The following HYDIN variants were observed in gnomAD, a reference collection of about 807,000 sequenced individuals.
HYDIN encodes the protein HYDIN axonemal central pair apparatus protein, also known as axonemal central pair apparatus protein HYDIN.
In HYDIN, 132 loss-of-function variants were observed where a neutral mutation model predicts 403.9. The observed-to-expected ratio is 0.33, with a 90% confidence interval of 0.28 to 0.38. HYDIN has a LOEUF of 0.38. Among genes scored for constraint, HYDIN ranks in the 10% least tolerant of loss-of-function variants. The pLI is 1.00. For missense variants in HYDIN, 2,827 were observed against 5,009.5 expected (o/e 0.56, Z 13.15); for synonymous variants, 1,202 against 1,891.7 (o/e 0.64, Z 9.46).
At chr16:70,902,992 T>C (rs2076438211) in intron 52 of HYDIN, among the ~76,000 whole-genome samples, 1 of 143,238 alleles carries the variant, frequency 7.0e-6, no homozygotes, top group South Asian at 2.3e-4. Flanking sequence ...GGTTTCACTC[T>C]ATCACCCAGG....
rs544753979 is a variant in HYDIN, at chr16:70,908,473, C to T, written c.8214-39G>A. 19 of 1,095,010 alleles carry T rather than the reference C, an allele frequency of 1.7e-5. No individual in the cohort carries two copies. In the Admixed American group the frequency reaches 4.2e-4, roughly 24 times the overall value. 67.8% of individuals were successfully genotyped at this position (1,095,010 alleles called of 1,614,324 possible). On this transcript the variant is annotated intron_variant, in intron 48 of 85. Transcript: ENST00000393567. ...CACAGGTTTATAAAGTGAGAGTGCT[C>T]CCCTCTGGCCAAGAGAAGACAGGAG... is the stretch of plus-strand genomic sequence containing the variant.
At position 70,964,816 on chromosome 16, in the gene HYDIN, T is replaced by C. The variant is rs1167091602; in HGVS notation, c.5700A>G (p.Pro1900=). The change falls in exon 37 of 86, where the codon CCA becomes CCG. Residue 1900 remains proline, a synonymous_variant. Coordinates refer to ENST00000393567, the MANE Select transcript of HYDIN (RefSeq NM_001270974.2). ...TCTCTTTGAAGTACTCGTACAGTTCTGGGGGCAGCTTCTCCCCAGGGTTGC... is the reference window on the plus strand; with the variant it reads ...TCTCTTTGAAGTACTCGTACAGTTCCGGGGGCAGCTTCTCCCCAGGGTTGC... ...PPRNPGEKLP[P]ELYEYFKEIK... The C allele has an allele frequency of 6.3e-7, 1 of 1,586,362 alleles. No individual in the cohort carries two copies. Among genetic ancestry groups the C allele is most frequent in the East Asian group, 2.2e-5 (1 of 44,694 alleles).
At chr16:70,979,839 G>A (rs1219156701) in intron 29 of HYDIN, among the ~76,000 whole-genome samples, 4 of 152,250 alleles carry the variant, frequency 2.6e-5, no homozygotes, top group Admixed American at 1.3e-4. Flanking sequence ...CATGAGAATC[G>A]CTTGAGCCCT....
At chr16:70,982,045 G>A (rs867924228) in intron 28 of HYDIN, among the ~76,000 whole-genome samples, 4 of 149,598 alleles carry the variant, frequency 2.7e-5, no homozygotes, top group South Asian at 2.1e-4. Flanking sequence ...GGAGAATGGC[G>A]TGAACCCGGG....
chr16:70,978,200 C>T (rs1377346114), intron 30 of HYDIN, among the ~76,000 whole-genome samples: 1 of 151,882 alleles, frequency 6.6e-6, no homozygotes, highest in Non-Finnish European at 1.5e-5. Flanking sequence ...CCCCGTCATC[C>T]AAGCAAGACT....
At position 70,818,557 on chromosome 16, in the gene HYDIN, C is replaced by T. The variant is rs868756797; in HGVS notation, c.14443G>A (p.Glu4815Lys). The change falls in exon 84 of 86, where the codon GAG becomes AAG. Residue 4815 changes from glutamate (E) to lysine (K), a missense_variant. Coordinates refer to ENST00000393567, the MANE Select transcript of HYDIN (RefSeq NM_001270974.2). ...TYAAKVIFRN[E>K]VTNEFLYYNV... ...TAGTACAAGAACTCATTTGTCACCTCGTTTCGGAAGATCACCTGCATTCAC... is the reference window on the plus strand; with the variant it reads ...TAGTACAAGAACTCATTTGTCACCTTGTTTCGGAAGATCACCTGCATTCAC... 8.7e-7 allele frequency: 1 copy of T among 1,150,470 alleles called. No homozygotes were observed. Among genetic ancestry groups the T allele is most frequent in the South Asian group, 1.3e-5 (1 of 75,720 alleles). 71.3% of individuals were successfully genotyped at this position (1,150,470 alleles called of 1,614,324 possible).
intron 53 of HYDIN, among the ~76,000 whole-genome samples, chr16:70,899,273 A>G (rs1480703260): frequency 6.6e-6 from 1 of 150,618 alleles, no homozygotes; most frequent in Non-Finnish European, 1.5e-5. Flanking sequence ...TGTGGATTTA[A>G]TTAAGTCAAA....
chr16:71,135,927 G>A (rs1239379883), intron 8 of HYDIN, among the ~76,000 whole-genome samples: 2 of 150,896 alleles, frequency 1.3e-5, no homozygotes, highest in Admixed American at 1.3e-4. Context: ...GCACACTGGG[G>A]GGGTTCTTCC....
chr16:71,112,921 GATAAA>G (rs1204240408), intron 10 of HYDIN, among the ~76,000 whole-genome samples: 1 of 152,118 alleles, frequency 6.6e-6, no homozygotes, highest in Non-Finnish European at 1.5e-5. Flanking sequence ...AACCTCATAA[GATAAA>G]ATAAAACAAT....
intron 65 of HYDIN, 38 bp downstream of exon 65, chr16:70,871,999 T>C: frequency 6.2e-7 from 1 of 1,605,222 alleles, no homozygotes; most frequent in Non-Finnish European, 8.5e-7. Context: ...GGCTTAGGAC[T>C]AAGGGATTCC....
In HYDIN at chr16:70,872,061, T is replaced by C. The variant is rs1306511207; in HGVS notation, c.11067A>G (p.Ser3689=). ...VNLIRFEWPV[S]ATIAFSPQMG... ...CCTGTGGGGAGAAAGCAATTGTAGC[T>C]GAAACAGGCCATTCAAACCGTATCA... The change falls in exon 65 of 86, where the codon TCA becomes TCG. Residue 3689 remains serine, a synonymous_variant. Coordinates refer to ENST00000393567, the MANE Select transcript of HYDIN (RefSeq NM_001270974.2). 1 of 1,580,690 alleles carries C rather than the reference T, an allele frequency of 6.3e-7. No individual in the cohort carries two copies.
At chr16:70,974,504 A>C in intron 32 of HYDIN, 30 bp downstream of exon 32, 1 of 1,592,334 alleles carries the variant, frequency 6.3e-7, no homozygotes, top group South Asian at 1.1e-5. Flanking sequence ...GACCAAGTGC[A>C]ATAGGAAAGG....
intron 9 of HYDIN, among the ~76,000 whole-genome samples, chr16:71,127,227 A>C (rs571771929): frequency 2.5e-4 from 38 of 151,646 alleles, no homozygotes; most frequent in Admixed American, 1.6e-3. Flanking sequence ...TTATGAAAAG[A>C]AAGACTAAAT....
intron 1 of HYDIN, among the ~76,000 whole-genome samples, chr16:71,224,593 G>T (rs1209225930): frequency 4.0e-5 from 5 of 124,546 alleles, no homozygotes; most frequent in African/African-American, 1.6e-4. Context: ...ACGGAGTCTC[G>T]CTCTGTCGCC....
intron 73 of HYDIN, among the ~76,000 whole-genome samples, chr16:70,854,069 G>C (rs1300906517): frequency 1.5e-4 from 22 of 149,290 alleles, no homozygotes; most frequent in African/African-American, 5.2e-4. Context: ...TAGTAGAGAC[G>C]GGGTTTCACC....
chr16:70,881,498 C>T (rs1320378971), intron 60 of HYDIN, among the ~76,000 whole-genome samples: 1 of 144,462 alleles, frequency 6.9e-6, no homozygotes, highest in African/African-American at 2.8e-5. Flanking sequence ...GTCCCAGCTA[C>T]TTGGGAGGCT....
chr16:70,908,894 T>C (rs1171315648), intron 47 of HYDIN, 33 bp from the exon 48 acceptor site: 1 of 1,607,776 alleles, frequency 6.2e-7, no homozygotes, highest in East Asian at 2.2e-5. Context: ...GTCTTAAATA[T>C]TCACTTTTTG....
chr16:71,228,512 C>T (rs1455097521), intron 1 of HYDIN, among the ~76,000 whole-genome samples: 4 of 152,188 alleles, frequency 2.6e-5, no homozygotes, highest in East Asian at 1.9e-4. Flanking sequence ...TGAACAGACA[C>T]TTCTCAAAAG....
chr16:71,148,658 T>C (rs2085413542), intron 7 of HYDIN, among the ~76,000 whole-genome samples: 1 of 151,422 alleles, frequency 6.6e-6, no homozygotes, highest in Non-Finnish European at 1.5e-5. Context: ...AATTAAATTG[T>C]TCTGCTAATA....
Sources: gnomAD v4.1 joint callset for allele counts (sites outside exome capture counted in the v4.1 genomes callset) on GRCh38, gnomAD v4.1.1 for gene constraint, MANE v1.5 for transcripts, NCBI Gene and HGNC (gene_info 2026-07-23, HGNC 2026-07-21) for gene names.